RFX3: variants seen among roughly 807,000 people sequenced by gnomAD.
The protein encoded by RFX3 is transcription factor RFX3.
RFX3 carries 14 observed loss-of-function variants against 98.6 expected under a neutral mutation model. That is an observed-to-expected ratio of 0.14 (90% CI 0.09 to 0.22). The LOEUF (loss-of-function observed/expected upper bound fraction) is 0.22, where lower values mean the gene tolerates loss of function less well. RFX3 is among the 10% of genes least tolerant of loss of function. The pLI is 1.00. For missense variants in RFX3, 639 were observed against 926.9 expected (o/e 0.69, Z 4.03); for synonymous variants, 383 against 328.4 (o/e 1.17, Z -1.80).
intron 16 of RFX3, among the ~76,000 whole-genome samples, chr9:3,226,221 A>G (rs1452735657): frequency 2.0e-5 from 3 of 152,198 alleles, no homozygotes. Context: ...TATCACATAC[A>G]ATGAATGTGC....
chr9:3,515,227 T>A (rs941214007), intron 1 of RFX3, among the ~76,000 whole-genome samples: 1 of 152,220 alleles, frequency 6.6e-6, no homozygotes. Flanking sequence ...CTAAAATTTG[T>A]GCATGACTAA....
intron 1 of RFX3, among the ~76,000 whole-genome samples, chr9:3,454,366 A>C (rs1351033475): frequency 6.6e-6 from 1 of 152,326 alleles, no homozygotes; most frequent in East Asian, 1.9e-4. Flanking sequence ...CTACCTTACC[A>C]AAAGATATAT....
At chr9:3,493,194 A>G (rs919792934) in intron 1 of RFX3, among the ~76,000 whole-genome samples, 3 of 152,128 alleles carry the variant, frequency 2.0e-5, no homozygotes, top group Non-Finnish European at 4.4e-5. Flanking sequence ...ACTGAAAGTA[A>G]AAGACTAGCA....
chr9:3,480,437 C>T (rs937892642), intron 1 of RFX3, among the ~76,000 whole-genome samples: 1 of 152,166 alleles, frequency 6.6e-6, no homozygotes, highest in African/African-American at 2.4e-5. Flanking sequence ...AGCTTTAATC[C>T]CTTTGCATTC....
intron 2 of RFX3, among the ~76,000 whole-genome samples, chr9:3,383,092 T>C (rs1164672791): frequency 1.3e-5 from 2 of 152,158 alleles, no homozygotes; most frequent in African/African-American, 2.4e-5. Context: ...GCAAGAATTA[T>C]ACAAAATATT....
chr9:3,504,286 A>G (rs1013540246), intron 1 of RFX3, among the ~76,000 whole-genome samples: 1 of 109,066 alleles, frequency 9.2e-6, no homozygotes, highest in Non-Finnish European at 1.7e-5. Flanking sequence ...TATAACATAT[A>G]AAATATATAT....
intron 2 of RFX3, among the ~76,000 whole-genome samples, chr9:3,366,518 A>G (rs1190152693): frequency 1.3e-5 from 2 of 152,126 alleles, no homozygotes; most frequent in African/African-American, 4.8e-5. Context: ...GTGCTTATTT[A>G]TTCCTGGTCT....
chr9:3,405,060 T>A (rs1217905267), intron 1 of RFX3, among the ~76,000 whole-genome samples: 1 of 152,202 alleles, frequency 6.6e-6, no homozygotes, highest in Non-Finnish European at 1.5e-5. Context: ...ACTATCAAAT[T>A]ACACTTGAAA....
intron 13 of RFX3, among the ~76,000 whole-genome samples, chr9:3,260,232 G>T (rs140857115): frequency 3.2e-4 from 49 of 152,100 alleles, no homozygotes; most frequent in African/African-American, 1.1e-3. Flanking sequence ...AATCATATGG[G>T]TTTCAGGAGT....
chr9:3,227,869 C>T (rs1279029608), intron 16 of RFX3, among the ~76,000 whole-genome samples: 4 of 152,084 alleles, frequency 2.6e-5, no homozygotes, highest in Non-Finnish European at 4.4e-5. Flanking sequence ...GTACTGAGTA[C>T]CTTAATATTG....
At chr9:3,427,302 ATT>A (rs1403280223) in intron 1 of RFX3, among the ~76,000 whole-genome samples, 52 of 143,128 alleles carry the variant, frequency 3.6e-4, no homozygotes, top group African/African-American at 1.3e-3. Context: ...ATAAATATAT[ATT>A]GTATTACATA....
intron 2 of RFX3, among the ~76,000 whole-genome samples, chr9:3,390,725 C>T (rs1182578959): frequency 6.6e-6 from 1 of 152,048 alleles, no homozygotes; most frequent in African/African-American, 2.4e-5. Flanking sequence ...TCTCTCTTTA[C>T]CTGCTGCCAC....
chr9:3,461,410 G>A (rs958467753), intron 1 of RFX3, among the ~76,000 whole-genome samples: 5 of 151,894 alleles, frequency 3.3e-5, no homozygotes, highest in African/African-American at 9.7e-5. Context: ...AGTTTTAACA[G>A]CAACATGTAA....
chr9:3,314,508 AT>A (rs1161602095), intron 4 of RFX3, among the ~76,000 whole-genome samples: 1 of 152,198 alleles, frequency 6.6e-6, no homozygotes, highest in African/African-American at 2.4e-5. Context: ...ACAGGATCAA[AT>A]TCACACATAA....
At chr9:3,321,971 G>A (rs944691995) in intron 4 of RFX3, among the ~76,000 whole-genome samples, 1 of 151,794 alleles carries the variant, frequency 6.6e-6, no homozygotes, top group Admixed American at 6.6e-5. Context: ...TTGGTCTCTA[G>A]TCTTTCATTT....
chr9:3,279,751 G>A (rs1387275012), intron 7 of RFX3, among the ~76,000 whole-genome samples: 2 of 151,834 alleles, frequency 1.3e-5, no homozygotes, highest in Admixed American at 6.6e-5. Flanking sequence ...GGAGACAGCT[G>A]TTAGTATTGC....
intron 4 of RFX3, among the ~76,000 whole-genome samples, chr9:3,309,174 A>G (rs759471891): frequency 1.4e-4 from 21 of 152,206 alleles, no homozygotes; most frequent in Non-Finnish European, 2.1e-4. Flanking sequence ...ATTTTGTGAC[A>G]GACTACAGCA....
chr9:3,254,466 C>T (rs907796810), intron 14 of RFX3, among the ~76,000 whole-genome samples: 1 of 151,946 alleles, frequency 6.6e-6, no homozygotes, highest in Non-Finnish European at 1.5e-5. Context: ...GCACATATAC[C>T]ACTTACGTTG....
intron 1 of RFX3, among the ~76,000 whole-genome samples, chr9:3,485,745 A>G (rs1474162258): frequency 6.6e-6 from 1 of 152,212 alleles, no homozygotes; most frequent in African/African-American, 2.4e-5. Context: ...ATAAGAGAAT[A>G]TTCATAAATA....
Sources: gnomAD v4.1 joint callset for allele counts (sites outside exome capture counted in the v4.1 genomes callset) on GRCh38, gnomAD v4.1.1 for gene constraint, MANE v1.5 for transcripts, NCBI Gene and HGNC (gene_info 2026-07-23, HGNC 2026-07-21) for gene names.